BBOX1: variants seen among roughly 807,000 people sequenced by gnomAD.
BBOX1 encodes gamma-butyrobetaine dioxygenase.
Under a neutral mutation model 41.6 loss-of-function variants are expected in BBOX1, and 35 were observed. The ratio of observed to expected loss-of-function variants is 0.84; its 90% CI spans 0.64 to 1.11. The LOEUF is 1.11. Ranked by LOEUF, BBOX1 falls within the 50% of genes most tolerant of loss-of-function variation. The probability of loss-of-function intolerance (pLI) is 0.00; values close to 1 mark genes in which losing one functional copy is unlikely to be tolerated. For missense variants in BBOX1, 458 were observed against 460.6 expected (o/e 0.99, Z 0.05); for synonymous variants, 163 against 154.7 (o/e 1.05, Z -0.40).
Position 27,055,760 on chromosome 11 carries a change from T to A in BBOX1, c.219+111T>A, listed in dbSNP as rs1389170701. ...TTGGTCACGCATATATAACCGCATA[T>A]GAACCCACGTTTGTATAGTACTTGG... is the stretch of plus-strand genomic sequence containing the variant. On this transcript the variant is annotated intron_variant, in intron 3 of 8. Transcript: ENST00000263182. 48 of 935,586 alleles carry A rather than the reference T, an allele frequency of 5.1e-5. 1 individual carries two copies. The East Asian group carries it at 7.1e-4, about 14-fold the overall frequency. The allele number at this position is 935,586 out of a possible 1,614,324, so 58.0% of individuals were successfully genotyped here. A position where few individuals can be genotyped will look rare whatever the true frequency, so the allele number is the denominator to read the frequency against.
intron 4 of BBOX1, among the ~76,000 whole-genome samples, chr11:27,059,894 T>C (rs1021840631): frequency 1.3e-5 from 2 of 152,192 alleles, no homozygotes; most frequent in South Asian, 4.1e-4. Context: ...ACATAAATTG[T>C]CTTTAATTTC....
intron 4 of BBOX1, among the ~76,000 whole-genome samples, chr11:27,057,762 G>T (rs542880896): frequency 6.6e-6 from 1 of 151,100 alleles, no homozygotes; most frequent in African/African-American, 2.4e-5. Flanking sequence ...GAAACGGTAC[G>T]CATAGCACTG....
intron 4 of BBOX1, among the ~76,000 whole-genome samples, chr11:27,058,844 C>G (rs1249192295): frequency 3.3e-5 from 5 of 152,068 alleles, no homozygotes; most frequent in Non-Finnish European, 7.4e-5. Context: ...TAAGTTGGAA[C>G]TTTAAAAGGA....
In BBOX1 at chr11:27,127,539, A is replaced by G. The variant is rs1278679720; in HGVS notation, c.*86A>G. ...TTATTCACAGACCATGATCTTTGTG[A>G]TTTACATATAATTTCCTTAACAATG... On this transcript the variant is annotated 3_prime_UTR_variant, in exon 9 of 9. Coordinates refer to ENST00000263182, the MANE Select transcript of BBOX1 (RefSeq NM_003986.3). The G allele has an allele frequency of 4.2e-6, 6 of 1,417,796 alleles. No homozygotes were observed. Among genetic ancestry groups the G allele is most frequent in the Non-Finnish European group, 4.8e-6 (5 of 1,048,194 alleles). The allele number at this position is 1,417,796 out of a possible 1,614,324, so 87.8% of individuals were successfully genotyped here.
chr11:27,106,167 G>A (rs1415209658), intron 5 of BBOX1, among the ~76,000 whole-genome samples: 3 of 151,966 alleles, frequency 2.0e-5, no homozygotes, highest in Admixed American at 6.6e-5. Context: ...TCGATGTTAG[G>A]AAGAAACTGC....
chr11:27,108,113 T>C (rs1590218367), intron 5 of BBOX1, among the ~76,000 whole-genome samples: 1 of 152,090 alleles, frequency 6.6e-6, no homozygotes. Context: ...GGCTAATAAA[T>C]GTTTTATTAT....
At chr11:27,100,964 A>G (rs1368055969) in intron 5 of BBOX1, among the ~76,000 whole-genome samples, 1 of 151,988 alleles carries the variant, frequency 6.6e-6, no homozygotes, top group East Asian at 1.9e-4. Flanking sequence ...AGCCCCTTTT[A>G]TGTACTAAGT....
intron 5 of BBOX1, among the ~76,000 whole-genome samples, chr11:27,114,503 G>T (rs900810781): frequency 6.6e-6 from 1 of 151,712 alleles, no homozygotes; most frequent in Non-Finnish European, 1.5e-5. Context: ...ATTTAACTAC[G>T]AATCTACAGT....
At chr11:27,120,900 C>A (rs1590229078) in intron 7 of BBOX1, among the ~76,000 whole-genome samples, 1 of 151,854 alleles carries the variant, frequency 6.6e-6, no homozygotes, top group African/African-American at 2.4e-5. Flanking sequence ...CATCAGTGGA[C>A]AAAACAAAGA....
Position 27,109,705 on chromosome 11 carries a change from T to C in BBOX1, c.534-5747T>C, listed in dbSNP as rs371424172. ...ATTCTAGATCAGCAGCGCTGAATTC[T>C]ATCCTTCTGGGACTGAAGAATCAGT... On this transcript the variant is annotated intron_variant, in intron 5 of 8. Coordinates refer to ENST00000263182, the MANE Select transcript of BBOX1 (RefSeq NM_003986.3). 5.3e-5 allele frequency among the ~76,000 whole-genome samples: 8 copies of C among 152,078 alleles called. No individual in the cohort carries two copies. In the East Asian group the frequency reaches 1.2e-3, roughly 22 times the overall value.
chr11:27,068,954 T>C (rs894097073), intron 4 of BBOX1, among the ~76,000 whole-genome samples: 3 of 152,184 alleles, frequency 2.0e-5, no homozygotes, highest in Non-Finnish European at 4.4e-5. Flanking sequence ...TATAGTACCA[T>C]GCTGTTTTGG....
At chr11:27,105,323 G>A (rs541904321) in intron 5 of BBOX1, among the ~76,000 whole-genome samples, 2 of 152,072 alleles carry the variant, frequency 1.3e-5, no homozygotes, top group Admixed American at 6.6e-5. Context: ...CGAACCCATC[G>A]CAAAGAAGCT....
chr11:27,117,672 T>A (rs899978488), intron 6 of BBOX1, among the ~76,000 whole-genome samples: 2 of 151,996 alleles, frequency 1.3e-5, no homozygotes, highest in African/African-American at 4.8e-5. Context: ...TTAAGTTTTG[T>A]TTCTGGGTTA....
At chr11:27,100,131 G>A (rs2134059437) in intron 5 of BBOX1, among the ~76,000 whole-genome samples, 1 of 152,200 alleles carries the variant, frequency 6.6e-6, no homozygotes, top group East Asian at 1.9e-4. Context: ...ATTCAAGGAT[G>A]TACAAGTGAA....
intron 2 of BBOX1, among the ~76,000 whole-genome samples, chr11:27,047,491 CCCTGGACT>C (rs1252306740): frequency 6.6e-6 from 1 of 151,980 alleles, no homozygotes; most frequent in Non-Finnish European, 1.5e-5. Flanking sequence ...GAAAATGCAC[CCCTGGACT>C]GGGTATTCAT....
intron 4 of BBOX1, among the ~76,000 whole-genome samples, chr11:27,074,747 A>G (rs1857580644): frequency 6.6e-6 from 1 of 152,242 alleles, no homozygotes; most frequent in Non-Finnish European, 1.5e-5. Context: ...TACATTTAAA[A>G]GGGAAGAAGA....
chr11:27,058,477 G>A (rs1857049724), intron 4 of BBOX1, among the ~76,000 whole-genome samples: 1 of 152,198 alleles, frequency 6.6e-6, no homozygotes, highest in South Asian at 2.1e-4. Context: ...ACAGGCAAAT[G>A]TTGGAAGAGT....
chr11:27,057,050 G>A (rs1265320629), intron 3 of BBOX1, 151 bp from the exon 4 acceptor site: 4 of 146,320 alleles, frequency 2.7e-5, no homozygotes, highest in Admixed American at 1.8e-4. Context: ...TGGCAACAGA[G>A]GAAGACTCCG....
intron 7 of BBOX1, among the ~76,000 whole-genome samples, chr11:27,122,681 A>C (rs767719452): frequency 6.6e-6 from 1 of 152,174 alleles, no homozygotes; most frequent in African/African-American, 2.4e-5. Flanking sequence ...AACAAATACA[A>C]CAAGTTCCAT....
Sources: gnomAD v4.1 joint callset for allele counts (sites outside exome capture counted in the v4.1 genomes callset) on GRCh38, gnomAD v4.1.1 for gene constraint, MANE v1.5 for transcripts, NCBI Gene and HGNC (gene_info 2026-07-23, HGNC 2026-07-21) for gene names.